The following USP48 variants were observed in gnomAD, a reference collection of about 807,000 sequenced individuals.
USP48 encodes the protein ubiquitin carboxyl-terminal hydrolase 48.
A neutral mutation model predicts 150.7 loss-of-function variants in USP48; 43 were observed. The ratio of observed to expected loss-of-function variants is 0.29; its 90% confidence interval spans 0.22 to 0.37. The LOEUF (loss-of-function observed/expected upper bound fraction) is 0.37, where lower values mean the gene tolerates loss of function less well. Among genes scored for constraint, USP48 ranks in the 10% least tolerant of loss-of-function variants. USP48 has a pLI of 1.00. For synonymous variants in USP48, 396 were observed against 425.9 expected, an observed-to-expected ratio of 0.93 and a Z score of 0.86; for missense variants, 813 against 1,249.6, an observed-to-expected ratio of 0.65 and a Z score of 5.27.
chr1:21,723,888 C>A lies in USP48; in HGVS notation c.1648+10G>T. The A allele has an allele frequency of 1.9e-6, 3 of 1,608,610 alleles. No homozygotes were observed. The highest frequency in any genetic ancestry group is 2.6e-6 in the Non-Finnish European group (3 of 1,175,726). Reference sequence around the variant, plus strand: ...GCTCTTTTTTAAACAGAGAGGACATCTTGAATTACCAGTTAGTCTTGGACC... The same window carrying A: ...GCTCTTTTTTAAACAGAGAGGACATATTGAATTACCAGTTAGTCTTGGACC... On this transcript the variant is annotated intron_variant, in intron 12 of 26. Coordinates refer to ENST00000308271, the MANE Select transcript of USP48 (RefSeq NM_032236.8).
intron 24 of USP48, among the ~76,000 whole-genome samples, chr1:21,688,219 TTTTC>T (rs1249577887): frequency 3.3e-5 from 5 of 152,034 alleles, no homozygotes; most frequent in African/African-American, 7.2e-5. Flanking sequence ...GTTCAATGAC[TTTTC>T]TTTCTTTCTT....
chr1:21,778,739 T>G (rs990949017), intron 1 of USP48, among the ~76,000 whole-genome samples: 9 of 150,992 alleles, frequency 6.0e-5, no homozygotes, highest in Non-Finnish European at 5.9e-5. Context: ...AAAGTGGGAC[T>G]CCATTTCCAC....
At chr1:21,696,379 G>A (rs1209743144) in intron 22 of USP48, among the ~76,000 whole-genome samples, 3 of 152,298 alleles carry the variant, frequency 2.0e-5, no homozygotes, top group Admixed American at 1.3e-4. Flanking sequence ...CGGAGGCTGC[G>A]GTGAGCCGAG....
At chr1:21,724,178 A>G in intron 11 of USP48, 83 bp from the exon 12 acceptor site, 2 of 1,341,312 alleles carry the variant, frequency 1.5e-6, no homozygotes, top group Non-Finnish European at 2.1e-6. Context: ...TCAAAAGACA[A>G]TGCAAACTCT....
chr1:21,698,426 G>T (rs925384167), intron 22 of USP48, among the ~76,000 whole-genome samples: 3 of 152,130 alleles, frequency 2.0e-5, no homozygotes, highest in African/African-American at 7.2e-5. Context: ...CCACAACTAA[G>T]GAGAGTGATT....
intron 8 of USP48, among the ~76,000 whole-genome samples, chr1:21,738,652 C>A (rs2097774235): frequency 6.6e-6 from 1 of 152,010 alleles, no homozygotes; most frequent in Non-Finnish European, 1.5e-5. Context: ...GCCACCACGC[C>A]CGGCCCATTT....
chr1:21,763,519 A>G (rs942433829), intron 1 of USP48, among the ~76,000 whole-genome samples: 1 of 152,246 alleles, frequency 6.6e-6, no homozygotes, highest in East Asian at 1.9e-4. Flanking sequence ...TCTACTTAAC[A>G]AACACAAATA....
chr1:21,782,762 C>T, intron 1 of USP48, 62 bp downstream of exon 1: 1 of 1,476,146 alleles, frequency 6.8e-7, no homozygotes, highest in South Asian at 1.3e-5. Flanking sequence ...TTTCCCCTAC[C>T]CCGCCCGGGC....
chr1:21,775,545 G>T (rs12738689), intron 1 of USP48, among the ~76,000 whole-genome samples: 7,731 of 152,284 alleles, frequency 0.051, 241 homozygotes, highest in Middle Eastern at 0.058. Context: ...GTAAGCCACC[G>T]TGCGTGGCCC....
chr1:21,704,323 T>G lies in USP48; in HGVS notation c.2454A>C (p.Lys818Asn), dbSNP rs1175238276. The stretch of plus-strand genomic sequence containing the variant: ...CATCTCCCACTTCAATTCTCGTGAT[T>G]TTAATTACATGATCCACAACAAAGA... The part of the protein sequence containing the change: ...QKLFVVDHVI[K>N]ITRIEVGDVN... Residue 818 changes from lysine (K) to asparagine (N), a missense_variant, in exon 20 of 27, where the codon AAA becomes AAC. Lys to Asn is a moderately conservative substitution (Grantham distance 94, BLOSUM62 0). Coordinates refer to ENST00000308271, the MANE Select transcript of USP48 (RefSeq NM_032236.8). 5 of 1,614,062 alleles carry G rather than the reference T, an allele frequency of 3.1e-6. No individual in the cohort carries two copies. In the South Asian group the frequency reaches 5.5e-5, roughly 18 times the overall value.
chr1:21,679,216 C>A lies in USP48; in HGVS notation c.*201G>T, dbSNP rs2152486371. On this transcript the variant is annotated 3_prime_UTR_variant, in exon 27 of 27. Coordinates refer to ENST00000308271, the MANE Select transcript of USP48 (RefSeq NM_032236.8). The stretch of plus-strand genomic sequence containing the variant: ...CTTAAATATAAAATTGGAAACATTT[C>A]CTTCAAGTCTGATGTCCATCAGTGC... 1.1e-4 allele frequency: 34 copies of A among 319,488 alleles called. No individual in the cohort carries two copies. Among genetic ancestry groups the A allele is most frequent in the Non-Finnish European group, 1.6e-4 (26 of 165,774 alleles). 19.8% of individuals were successfully genotyped at this position (319,488 alleles called of 1,614,324 possible).
At chr1:21,757,919 T>A in intron 1 of USP48, 136 bp from the exon 2 acceptor site, 1 of 1,138,350 alleles carries the variant, frequency 8.8e-7, no homozygotes, top group Non-Finnish European at 1.2e-6. Flanking sequence ...ACTCAGTTTG[T>A]GAGGGTGTGG....
chr1:21,747,790 C>A (rs1020746145), intron 7 of USP48, among the ~76,000 whole-genome samples: 4 of 152,152 alleles, frequency 2.6e-5, no homozygotes, highest in African/African-American at 9.7e-5. Context: ...CCCGGCTGAT[C>A]TCGAACTCCT....
chr1:21,699,378 T>G (rs2097648145), intron 22 of USP48, among the ~76,000 whole-genome samples: 1 of 149,440 alleles, frequency 6.7e-6, no homozygotes, highest in African/African-American at 2.5e-5. Flanking sequence ...TTTTGTATTT[T>G]TAGTAGAGAC....
At chr1:21,697,576 T>C (rs1002406738) in intron 22 of USP48, among the ~76,000 whole-genome samples, 8 of 148,844 alleles carry the variant, frequency 5.4e-5, no homozygotes, top group African/African-American at 2.0e-4. Context: ...GGCAGGAGAA[T>C]GGCGTGAACC....
In USP48 at chr1:21,690,055, T is replaced by A; in HGVS notation, c.2928A>T (p.Ser976=). 1 of 1,614,068 alleles carries A rather than the reference T, an allele frequency of 6.2e-7. No individual in the cohort carries two copies. The highest frequency in any genetic ancestry group is 2.2e-5 in the East Asian group (1 of 44,870). The change falls in exon 24 of 27, where the codon TCA becomes TCT. Residue 976 remains serine, a synonymous_variant. Coordinates refer to ENST00000308271, the MANE Select transcript of USP48 (RefSeq NM_032236.8). ...FSVAPFDQNL[S]IDGKILSDDC... ...CATCACTTAAAATCTTTCCATCAAT[T>A]GACAAATTCTGGTCAAAAGGAGCAA...
At chr1:21,722,704 G>C (rs1009986860) in intron 12 of USP48, among the ~76,000 whole-genome samples, 3 of 151,992 alleles carry the variant, frequency 2.0e-5, no homozygotes, top group African/African-American at 7.3e-5. Context: ...ACTTAACCAG[G>C]CATGGTGGTG....
chr1:21,737,786 T>C (rs2152564291), intron 8 of USP48, among the ~76,000 whole-genome samples: 1 of 152,358 alleles, frequency 6.6e-6, no homozygotes, highest in East Asian at 1.9e-4. Context: ...TACCATAATA[T>C]GCCTAACCAC....
At chr1:21,693,002 C>A (rs1011871504) in intron 23 of USP48, among the ~76,000 whole-genome samples, 5 of 152,204 alleles carry the variant, frequency 3.3e-5, no homozygotes, top group African/African-American at 1.2e-4. Flanking sequence ...TTAACAGGAA[C>A]CATGAAAACC....
Sources: allele counts gnomAD v4.1 joint callset (sites outside exome capture counted in the v4.1 genomes callset), GRCh38; gene constraint gnomAD v4.1.1; transcripts MANE v1.5; gene names NCBI Gene and HGNC (gene_info 2026-07-23, HGNC 2026-07-21).